Variants in BRWD1 observed in about 807,000 individuals in gnomAD.
The protein encoded by BRWD1 is bromodomain and WD repeat domain containing 1.
In BRWD1, 82 loss-of-function variants were observed where a neutral mutation model predicts 251.2. The ratio of observed to expected loss-of-function variants is 0.33; its 90% CI spans 0.27 to 0.39. The LOEUF (loss-of-function observed/expected upper bound fraction) is 0.39. Ranked by LOEUF, BRWD1 falls within the 10% of genes least tolerant of loss-of-function variation. BRWD1 has a pLI of 1.00. For missense variants in BRWD1, 2,233 were observed against 2,711.6 expected, an observed-to-expected ratio of 0.82 and a Z score of 3.92; for synonymous variants, 918 against 902.8, an observed-to-expected ratio of 1.02 and a Z score of -0.30.
At chr21:39,241,067 A>ATTT (rs767748242) in intron 21 of BRWD1, among the ~76,000 whole-genome samples, 1 of 141,836 alleles carries the variant, frequency 7.1e-6, no homozygotes, top group Non-Finnish European at 1.6e-5. Context: ...CGCCCAGCTA[A>ATTT]TTTTTTTTTT....
upstream of BRWD1, chr21:39,314,507 T>A: frequency 2.8e-6 from 1 of 362,734 alleles, no homozygotes; most frequent in African/African-American, 2.1e-5. Flanking sequence ...GGGAGTCATG[T>A]GCAGTTAGAA....
Position 39,280,237 on chromosome 21 carries a change from C to T in BRWD1, c.843G>A (p.Met281Ile). ...GSITSLQFSPMAKGSQRYMVS... is the reference protein window; with the variant it reads ...GSITSLQFSPIAKGSQRYMVS... ...CCATGTATCTTTGAGAGCCTTTGGC[C>T]ATCGGGCTAAACTAAAAAGTAAAAC... Residue 281 changes from methionine (M) to isoleucine (I), a missense_variant, in exon 9 of 41, where the codon ATG becomes ATA. Coordinates refer to ENST00000342449, the MANE Select transcript of BRWD1 (RefSeq NM_033656.4). 6.2e-7 allele frequency: 1 copy of T among 1,605,538 alleles called. No individual in the cohort carries two copies. The highest frequency in any genetic ancestry group is 8.5e-7 in the Non-Finnish European group (1 of 1,177,278).
At chr21:39,245,173 GTT>G (rs1288290626) in intron 21 of BRWD1, among the ~76,000 whole-genome samples, 3 of 151,974 alleles carry the variant, frequency 2.0e-5, no homozygotes, top group East Asian at 3.9e-4. Flanking sequence ...GAGCCCAGGA[GTT>G]TGAGGCTACA....
intron 31 of BRWD1, among the ~76,000 whole-genome samples, chr21:39,216,277 C>T (rs1218654088): frequency 6.6e-6 from 1 of 152,124 alleles, no homozygotes; most frequent in Non-Finnish European, 1.5e-5. Flanking sequence ...GGAAATTAAT[C>T]TTCCAAAGGC....
In BRWD1 at chr21:39,264,602, C is replaced by A. The variant is rs1293236271; in HGVS notation, c.1743G>T (p.Gln581His). The stretch of plus-strand genomic sequence containing the variant: ...GTGGAGGCATAAGATGAGGAGCCTG[C>A]TGAGTTTGCTCATCTAAGACATAAT... Reference protein sequence around the residue: ...SNNYVLDEQTQQAPHLMPPPF... With the variant: ...SNNYVLDEQTHQAPHLMPPPF... The change falls in exon 17 of 41, where the codon CAG becomes CAT. Residue 581 changes from glutamine (Q) to histidine (H), a missense_variant. This residue lies in a region of BRWD1 where 315 missense variants were observed against 421.8 expected (regional missense o/e 0.75). Coordinates refer to ENST00000342449, the MANE Select transcript of BRWD1 (RefSeq NM_033656.4). The A allele has an allele frequency of 4.3e-6, 7 of 1,613,328 alleles. No individual in the cohort carries two copies. Among genetic ancestry groups the A allele is most frequent in the Non-Finnish European group, 4.2e-6 (5 of 1,179,574 alleles).
chr21:39,284,068 A>G (rs1013707267), intron 8 of BRWD1, among the ~76,000 whole-genome samples: 8 of 152,204 alleles, frequency 5.3e-5, no homozygotes, highest in African/African-American at 1.7e-4. Flanking sequence ...AAGAACGTCT[A>G]CTTTTACAAC....
intron 20 of BRWD1, among the ~76,000 whole-genome samples, chr21:39,249,315 C>T (rs2034311391): frequency 6.6e-6 from 1 of 152,174 alleles, no homozygotes; most frequent in African/African-American, 2.4e-5. Context: ...CGCAATTTAC[C>T]TATATAACAA....
intron 19 of BRWD1, among the ~76,000 whole-genome samples, chr21:39,252,974 T>C (rs916775442): frequency 1.3e-5 from 2 of 152,204 alleles, no homozygotes; most frequent in Admixed American, 6.5e-5. Flanking sequence ...GCAGCTATCT[T>C]GGACTATGCG....
At position 39,196,199 on chromosome 21, in the gene BRWD1, C is replaced by A; in HGVS notation, c.*60G>T. 1 of 1,487,340 alleles carries A rather than the reference C, an allele frequency of 6.7e-7. No homozygotes were observed. Among genetic ancestry groups the A allele is most frequent in the Non-Finnish European group, 8.9e-7 (1 of 1,122,172 alleles). The allele number at this position is 1,487,340 out of a possible 1,614,324, so 92.1% of individuals were successfully genotyped here. Reference sequence around the variant, plus strand: ...TAAGACAAAAAAATAATTTTAACAGCCAGCTTTCACCATAAATGCCAGTCC... The same window carrying A: ...TAAGACAAAAAAATAATTTTAACAGACAGCTTTCACCATAAATGCCAGTCC... On this transcript the variant is annotated 3_prime_UTR_variant, in exon 41 of 41. Coordinates refer to ENST00000342449, the MANE Select transcript of BRWD1 (RefSeq NM_033656.4).
Position 39,295,871 on chromosome 21 carries a change from A to G in BRWD1, c.481T>C (p.Cys161Arg), listed in dbSNP as rs762204506. 2.5e-6 allele frequency: 4 copies of G among 1,605,326 alleles called. No individual in the cohort carries two copies. The African/African-American group carries it at 4.0e-5, about 16-fold the overall frequency. ...EIHRGKQLTG[C>R]STFSTAFPGT... ...GGAAATGCTGTACTAAAAGTGGAAC[A>G]CCCTGTGAGTTGTTTTCCTCGATGT... The change falls in exon 7 of 41, where the codon TGT (cysteine) becomes CGT (arginine). Residue 161 changes from cysteine (C) to arginine (R), a missense_variant. Physicochemically the swap from Cys to Arg is radical, Grantham distance 180 (BLOSUM62 -3). Around this residue, in one of 12 missense-constraint regions of BRWD1, gnomAD observed 185 missense variants for 260.6 expected, o/e 0.71. Coordinates refer to ENST00000342449, the MANE Select transcript of BRWD1 (RefSeq NM_033656.4).
At chr21:39,286,081 C>T (rs913046377) in intron 8 of BRWD1, among the ~76,000 whole-genome samples, 1 of 132,948 alleles carries the variant, frequency 7.5e-6, no homozygotes, top group Non-Finnish European at 1.5e-5. Flanking sequence ...GTGGTGCGAT[C>T]TCGGCTCACT....
At chr21:39,278,244 A>G (rs1363968078) in intron 10 of BRWD1, among the ~76,000 whole-genome samples, 1 of 147,708 alleles carries the variant, frequency 6.8e-6, no homozygotes, top group Non-Finnish European at 1.5e-5. Context: ...CTTTCTAAAC[A>G]ATTCTACATA....
Position 39,277,655 on chromosome 21 carries a change from C to G in BRWD1, c.1004-304G>C, listed in dbSNP as rs996403998. On this transcript the variant is annotated intron_variant, in intron 10 of 40. Coordinates refer to ENST00000342449, the MANE Select transcript of BRWD1 (RefSeq NM_033656.4). Reference sequence around the variant, plus strand: ...CTCGGCTCACTGCAACTTCTACCTCCCAGGTTCAAGTAATTCTACTGCCTC... The same window carrying G: ...CTCGGCTCACTGCAACTTCTACCTCGCAGGTTCAAGTAATTCTACTGCCTC... 3.3e-5 allele frequency among the ~76,000 whole-genome samples: 5 copies of G among 151,028 alleles called. No individual in the cohort carries two copies. The East Asian group carries it at 9.7e-4, about 29-fold the overall frequency.
rs1030697026 is a variant in BRWD1 at position 39,188,953 on chromosome 21, C to T, written c.*7306G>A. 7 of 985,374 alleles carry T rather than the reference C, an allele frequency of 7.1e-6. No individual in the cohort carries two copies. Among genetic ancestry groups the T allele is most frequent in the Non-Finnish European group, 8.4e-6 (7 of 829,912 alleles). The allele number at this position is 985,374 out of a possible 1,614,324, so 61.0% of individuals were successfully genotyped here. A position where few individuals can be genotyped will look rare whatever the true frequency, so the allele number is the denominator to read the frequency against. On this transcript the variant is annotated 3_prime_UTR_variant, in exon 41 of 41. Transcript: ENST00000342449. ...ATTACTCTCATGCAGCATGCCCTTACCTCCTTCAGCTGGACTCTGTGGGAA... is the reference window on the plus strand; with the variant it reads ...ATTACTCTCATGCAGCATGCCCTTATCTCCTTCAGCTGGACTCTGTGGGAA...
Position 39,189,334 on chromosome 21 carries a change from A to C in BRWD1, c.*6925T>G. 1 of 985,252 alleles carries C rather than the reference A, an allele frequency of 1.0e-6. No individual in the cohort carries two copies. Among genetic ancestry groups the C allele is most frequent in the Non-Finnish European group, 1.2e-6 (1 of 829,760 alleles). 61.0% of individuals were successfully genotyped at this position (985,252 alleles called of 1,614,324 possible). A position where few individuals can be genotyped will look rare whatever the true frequency, so the allele number is the denominator to read the frequency against. On this transcript the variant is annotated 3_prime_UTR_variant, in exon 41 of 41. Coordinates refer to ENST00000342449, the MANE Select transcript of BRWD1 (RefSeq NM_033656.4). ...TTCTATTTCAACTACAATTTGTAAC[A>C]AAATGCTTTAAGTTGCAGAAATTCC...
At chr21:39,294,762 C>A (rs1460085540) in intron 7 of BRWD1, among the ~76,000 whole-genome samples, 1 of 151,946 alleles carries the variant, frequency 6.6e-6, no homozygotes, top group Non-Finnish European at 1.5e-5. Flanking sequence ...GACTAAGTGG[C>A]AATCCCAAAA....
chr21:39,241,694 T>C (rs1005828405), intron 21 of BRWD1, among the ~76,000 whole-genome samples: 2 of 152,046 alleles, frequency 1.3e-5, no homozygotes, highest in Non-Finnish European at 2.9e-5. Context: ...TTTATCGTGC[T>C]TTACTTTATT....
intron 17 of BRWD1, among the ~76,000 whole-genome samples, chr21:39,263,439 T>C (rs901829102): frequency 2.6e-5 from 4 of 152,020 alleles, no homozygotes; most frequent in East Asian, 3.9e-4. Flanking sequence ...ACTGAAAAAG[T>C]GTAAGGACTT....
chr21:39,206,361 T>C, intron 36 of BRWD1, 87 bp from the exon 37 acceptor site: 1 of 1,028,656 alleles, frequency 9.7e-7, no homozygotes, highest in East Asian at 2.6e-5. Context: ...TCCCTTGCAA[T>C]GTATTATATC....
Sources: gnomAD v4.1 joint callset for allele counts (sites outside exome capture counted in the v4.1 genomes callset) on GRCh38, gnomAD v4.1.1 for gene constraint, gnomAD v4.1.1 regional missense constraint, MANE v1.5 for transcripts, NCBI Gene and HGNC (gene_info 2026-07-23, HGNC 2026-07-21) for gene names.